Variants in PIK3R4 observed in about 807,000 individuals in gnomAD.
The protein encoded by PIK3R4 is phosphoinositide-3-kinase regulatory subunit 4.
In PIK3R4, 46 loss-of-function variants were observed where a neutral mutation model predicts 136.5. The observed-to-expected ratio is 0.34, with a 90% confidence interval of 0.27 to 0.43. The LOEUF (loss-of-function observed/expected upper bound fraction) is 0.43, where lower values mean the gene tolerates loss of function less well. Among genes scored for constraint, PIK3R4 ranks in the 20% least tolerant of loss-of-function variants. The probability of loss-of-function intolerance (pLI) is 1.00; values close to 1 mark genes in which losing one functional copy is unlikely to be tolerated. For missense variants in PIK3R4, 1,331 were observed against 1,649.5 expected (o/e 0.81, Z 3.35); for synonymous variants, 557 against 566.7 (o/e 0.98, Z 0.24).
rs753939203 is a variant in PIK3R4, at chr3:130,734,167, GAGAAT to G, written c.868-42_868-38del. 5 of 1,515,028 alleles carry G rather than the reference GAGAAT, an allele frequency of 3.3e-6. No individual in the cohort carries two copies. The South Asian group carries it at 5.0e-5, about 15-fold the overall frequency. 93.8% of individuals were successfully genotyped at this position (1,515,028 alleles called of 1,614,324 possible). A position where few individuals can be genotyped will look rare whatever the true frequency, so the allele number is the denominator to read the frequency against. ...GAAGAAAAGGAATTAAAATAGATTT[GAGAAT>G]AGAAAAGTAAACCAGATGAAAGCTA... On this transcript the variant is annotated intron_variant, in intron 3 of 19. Transcript: ENST00000356763.
intron 19 of PIK3R4, 34 bp from the exon 20 acceptor site, chr3:130,679,519 T>G (rs1278796740): frequency 6.5e-7 from 1 of 1,542,918 alleles, no homozygotes; most frequent in African/African-American, 1.4e-5. Context: ...AAGCCAGAGG[T>G]TAAAAGTCTG....
At chr3:130,737,148 G>C (rs751107915) in intron 2 of PIK3R4, among the ~76,000 whole-genome samples, 1 of 152,092 alleles carries the variant, frequency 6.6e-6, no homozygotes, top group Non-Finnish European at 1.5e-5. Flanking sequence ...ACCTCCTTCA[G>C]ATCTTCAGGT....
chr3:130,693,617 T>C (rs1420400568), intron 13 of PIK3R4, among the ~76,000 whole-genome samples: 4 of 152,198 alleles, frequency 2.6e-5, no homozygotes, highest in Non-Finnish European at 5.9e-5. Flanking sequence ...TGCTTTTTAA[T>C]TGGGTCATTT....
rs111832476 is a variant in PIK3R4, at chr3:130,679,811, G to C, written c.3907-326C>G. On this transcript the variant is annotated intron_variant, in intron 19 of 19. Coordinates refer to ENST00000356763, the MANE Select transcript of PIK3R4 (RefSeq NM_014602.3). ...AAGATGTATAGGCCAGGCGCGGTGGGTCACGCCTATAATCCCAGCACTTTG... is the reference window on the plus strand; with the variant it reads ...AAGATGTATAGGCCAGGCGCGGTGGCTCACGCCTATAATCCCAGCACTTTG... Among the ~76,000 whole-genome samples, 1,244 of 152,122 alleles carry C rather than the reference G, an allele frequency of 8.2e-3. 14 individuals are homozygous for C. The highest frequency in any genetic ancestry group is 0.028 in the African/African-American group (1,157 of 41,520).
chr3:130,706,993 G>C lies in PIK3R4; in HGVS notation c.2676C>G (p.Ser892=), dbSNP rs373515512. Residue 892 remains serine (S), a synonymous_variant, in exon 11 of 20, where the codon TCC becomes TCG. Coordinates refer to ENST00000356763, the MANE Select transcript of PIK3R4 (RefSeq NM_014602.3). The stretch of plus-strand genomic sequence containing the variant: ...GGACACAAATGCCAGCAGAGGACTC[G>C]GAACGAGGAGGTTTCCCAGTCTGAA... ...EVIQTGKPPR[S]ESSAGICVPL... 4 of 1,612,374 alleles carry C rather than the reference G, an allele frequency of 2.5e-6. No individual in the cohort carries two copies. Among genetic ancestry groups the C allele is most frequent in the African/African-American group, 1.3e-5 (1 of 74,852 alleles).
chr3:130,686,510 A>G (rs2066491998), intron 14 of PIK3R4, 88 bp from the exon 15 acceptor site: 1 of 784,304 alleles, frequency 1.3e-6, no homozygotes, highest in Non-Finnish European at 2.2e-6. Flanking sequence ...TCCTATCCAT[A>G]GTCAAGAAAC....
Position 130,679,412 on chromosome 3 carries a change from C to T in PIK3R4, c.3980G>A (p.Gly1327Glu), listed in dbSNP as rs2066440628. The T allele has an allele frequency of 1.2e-6, 2 of 1,612,980 alleles. No individual in the cohort carries two copies. The highest frequency in any genetic ancestry group is 1.7e-6 in the Non-Finnish European group (2 of 1,179,024). The change falls in exon 20 of 20, where the codon GGA (glycine) becomes GAA (glutamate). Residue 1327 changes from glycine to glutamate, a missense_variant. By Grantham distance (98) the Gly-to-Glu change is moderately conservative. This residue lies in a region of PIK3R4 where 1,180 missense variants were observed against 1,407.0 expected (regional missense o/e 0.84). Coordinates refer to ENST00000356763, the MANE Select transcript of PIK3R4 (RefSeq NM_014602.3). ...PRRGPESLPV[G>E]HHDIITDVAT... ...GACATCAGTGATGATGTCATGATGTCCCACGGGCAGGGACTCTGGGCCCCT... is the reference window on the plus strand; with the variant it reads ...GACATCAGTGATGATGTCATGATGTTCCACGGGCAGGGACTCTGGGCCCCT...
chr3:130,716,740 A>G (rs2107612665), intron 8 of PIK3R4, 141 bp from the exon 9 acceptor site: 1 of 612,116 alleles, frequency 1.6e-6, no homozygotes, highest in East Asian at 2.8e-5. Context: ...TGTGTAGAAG[A>G]AAAAAGAATA....
intron 6 of PIK3R4, among the ~76,000 whole-genome samples, chr3:130,727,159 T>C (rs1475961060): frequency 1.3e-5 from 2 of 152,198 alleles, no homozygotes; most frequent in African/African-American, 4.8e-5. Context: ...TGCATTTTAT[T>C]TTTTTAGCAA....
rs1258465933 is a variant in PIK3R4 at position 130,746,390 on chromosome 3, G to C, written c.-119C>G. The C allele has an allele frequency of 6.6e-6, 1 of 152,272 alleles. No homozygotes were observed. 9.4% of individuals were successfully genotyped at this position (152,272 alleles called of 1,614,324 possible). A position where few individuals can be genotyped will look rare whatever the true frequency, so the allele number is the denominator to read the frequency against. ...GTCATAGTAGACTACTTCGGGGACGGGACGGGAAAACGCGTCAGCAGCGGG... is the reference window on the plus strand; with the variant it reads ...GTCATAGTAGACTACTTCGGGGACGCGACGGGAAAACGCGTCAGCAGCGGG... On this transcript the variant is annotated 5_prime_UTR_variant, in exon 1 of 20. Transcript: ENST00000356763.
chr3:130,732,572 C>T (rs1295623475), intron 4 of PIK3R4, among the ~76,000 whole-genome samples: 1 of 151,850 alleles, frequency 6.6e-6, no homozygotes, highest in Non-Finnish European at 1.5e-5. Flanking sequence ...ATTTCTGGGC[C>T]TGAAGTTCAT....
At chr3:130,731,670 C>A (rs2066760936) in intron 4 of PIK3R4, among the ~76,000 whole-genome samples, 1 of 152,166 alleles carries the variant, frequency 6.6e-6, no homozygotes, top group Non-Finnish European at 1.5e-5. Context: ...AGTCCATAAA[C>A]CACAGCACAC....
At chr3:130,705,156 A>G (rs1576455175) in intron 12 of PIK3R4, among the ~76,000 whole-genome samples, 1 of 152,144 alleles carries the variant, frequency 6.6e-6, no homozygotes, top group East Asian at 1.9e-4. Flanking sequence ...AAAAGTACTC[A>G]TCATTTTCTA....
chr3:130,728,835 T>G, intron 5 of PIK3R4, 151 bp from the exon 6 acceptor site: 1 of 518,892 alleles, frequency 1.9e-6, no homozygotes, highest in Non-Finnish European at 3.2e-6. Flanking sequence ...TCACCAATTT[T>G]TTGCATTATT....
chr3:130,680,363 T>TA lies in PIK3R4; in HGVS notation c.3906+249dup, dbSNP rs2066450233. ...GCCTTTTTCATTTGTAAGAGGATAA[T>TA]AAAAGTGCTTCCTTACGATGTTATA... On this transcript the variant is annotated intron_variant, in intron 19 of 19. Coordinates refer to ENST00000356763, the MANE Select transcript of PIK3R4 (RefSeq NM_014602.3). Among the ~76,000 whole-genome samples, 3 of 152,216 alleles carry TA rather than the reference T, an allele frequency of 2.0e-5. No individual in the cohort carries two copies. The South Asian group carries it at 6.2e-4, about 32-fold the overall frequency.
chr3:130,696,380 T>A (rs2066546658), intron 13 of PIK3R4, among the ~76,000 whole-genome samples: 1 of 152,136 alleles, frequency 6.6e-6, no homozygotes, highest in African/African-American at 2.4e-5. Flanking sequence ...TTTCTTCTTT[T>A]TTAATATAAA....
chr3:130,740,218 GA>G (rs942078429), intron 2 of PIK3R4, among the ~76,000 whole-genome samples: 1 of 151,522 alleles, frequency 6.6e-6, no homozygotes, highest in Non-Finnish European at 1.5e-5. Context: ...AATAACAAAA[GA>G]AAAAAAGGCT....
rs772852754 is a variant in PIK3R4, at chr3:130,744,561, T to C, written c.658A>G (p.Thr220Ala). ...TTGCTATTTAAGTCTACAAGCGGAG[T>C]TGAAGGATCTCTCATATATTCTAAC... Reference protein sequence around the residue: ...TELEYMRDPSTPLVDLNSNQR... With the variant: ...TELEYMRDPSAPLVDLNSNQR... Residue 220 changes from threonine (T) to alanine (A), a missense_variant, in exon 2 of 20, where the codon ACT becomes GCT. This residue lies in a region of PIK3R4 where 1,180 missense variants were observed against 1,407.0 expected (regional missense o/e 0.84). Transcript: ENST00000356763. 6.2e-7 allele frequency: 1 copy of C among 1,614,184 alleles called. No individual in the cohort carries two copies. The highest frequency in any genetic ancestry group is 8.5e-7 in the Non-Finnish European group (1 of 1,180,026).
rs1326115028 is a variant in PIK3R4, at chr3:130,686,285, G to A, written c.3401C>T (p.Thr1134Ile). 6.2e-7 allele frequency: 1 copy of A among 1,613,536 alleles called. No homozygotes were observed. The highest frequency in any genetic ancestry group is 2.2e-5 in the East Asian group (1 of 44,868). Residue 1134 changes from threonine to isoleucine, a missense_variant, in exon 15 of 20, where the codon ACT becomes ATT. By Grantham distance (89) the Thr-to-Ile change is moderately conservative. Coordinates refer to ENST00000356763, the MANE Select transcript of PIK3R4 (RefSeq NM_014602.3). ...GCCCGACTTTAAATCATGCTTTAAAGTCCACGCATTGCTTGAAGACCTAAG... is the reference window on the plus strand; with the variant it reads ...GCCCGACTTTAAATCATGCTTTAAAATCCACGCATTGCTTGAAGACCTAAG... ...WDLRSSSNAW[T>I]LKHDLKSGLI...
Sources: gnomAD v4.1 joint callset for allele counts (sites outside exome capture counted in the v4.1 genomes callset) on GRCh38, gnomAD v4.1.1 for gene constraint, gnomAD v4.1.1 regional missense constraint, MANE v1.5 for transcripts, NCBI Gene and HGNC (gene_info 2026-07-23, HGNC 2026-07-21) for gene names.